Variants in STAG1 observed in about 807,000 individuals in gnomAD.
The protein encoded by STAG1 is cohesin subunit SA-1.
A neutral mutation model predicts 170.9 loss-of-function variants in STAG1; 26 were observed. The ratio of observed to expected loss-of-function variants is 0.15; its 90% CI spans 0.11 to 0.21. The LOEUF (loss-of-function observed/expected upper bound fraction) is 0.21, where lower values mean the gene tolerates loss of function less well. STAG1 is among the 10% of genes least tolerant of loss of function. The probability of loss-of-function intolerance (pLI) is 1.00; values close to 1 mark genes in which losing one functional copy is unlikely to be tolerated. For synonymous variants in STAG1, 514 were observed against 497.7 expected, an observed-to-expected ratio of 1.03 and a Z score of -0.44; for missense variants, 964 against 1,509.5, an observed-to-expected ratio of 0.64 and a Z score of 5.99.
chr3:136,653,956 C>A (rs532929864), intron 1 of STAG1, among the ~76,000 whole-genome samples: 1 of 152,116 alleles, frequency 6.6e-6, no homozygotes, highest in Admixed American at 6.5e-5. Context: ...AACAAGAACA[C>A]TAAGCAAACT....
chr3:136,736,666 C>A, intron 1 of STAG1: 1 of 1,604,824 alleles, frequency 6.2e-7, no homozygotes, highest in Non-Finnish European at 8.5e-7. Context: ...TCTTGAGCTT[C>A]AATCTCTTCT....
chr3:136,623,062 T>C (rs867204065), intron 3 of STAG1, 84 bp downstream of exon 3: 38 of 1,177,070 alleles, frequency 3.2e-5, no homozygotes, highest in Middle Eastern at 4.1e-4. Context: ...GTATTAACCA[T>C]ACTAGCACTA....
chr3:136,380,533 C>T (rs1334123311), intron 22 of STAG1, among the ~76,000 whole-genome samples: 1 of 151,990 alleles, frequency 6.6e-6, no homozygotes, highest in Non-Finnish European at 1.5e-5. Context: ...AGCCACCGTG[C>T]CCAGCCAGGG....
At chr3:136,404,301 C>A (rs529119239) in intron 21 of STAG1, among the ~76,000 whole-genome samples, 1 of 152,298 alleles carries the variant, frequency 6.6e-6, no homozygotes, top group East Asian at 1.9e-4. Flanking sequence ...TTTCTTCCAA[C>A]CCATCTTCTC....
intron 7 of STAG1, among the ~76,000 whole-genome samples, chr3:136,521,005 G>C (rs1306439978): frequency 1.3e-5 from 2 of 152,066 alleles, no homozygotes; most frequent in Admixed American, 6.6e-5. Flanking sequence ...ACAGACATTT[G>C]ATGACACTGG....
At chr3:136,588,234 C>A (rs1168415337) in intron 4 of STAG1, among the ~76,000 whole-genome samples, 1 of 152,090 alleles carries the variant, frequency 6.6e-6, no homozygotes, top group African/African-American at 2.4e-5. Flanking sequence ...AGTGGGTTAT[C>A]AGAACTTATT....
At chr3:136,341,065 T>C (rs1220152183) in intron 31 of STAG1, among the ~76,000 whole-genome samples, 1 of 152,072 alleles carries the variant, frequency 6.6e-6, no homozygotes, top group African/African-American at 2.4e-5. Context: ...CCCACCACCA[T>C]GCCCGGCTAA....
chr3:136,644,473 T>A (rs574232726), intron 1 of STAG1, among the ~76,000 whole-genome samples: 12 of 152,316 alleles, frequency 7.9e-5, no homozygotes, highest in Non-Finnish European at 1.3e-4. Context: ...TTCTCTAGTG[T>A]TTCCCACTGA....
chr3:136,355,644 T>C (rs1936624121), intron 28 of STAG1, among the ~76,000 whole-genome samples: 1 of 152,054 alleles, frequency 6.6e-6, no homozygotes, highest in African/African-American at 2.4e-5. Context: ...TTTTGTCAAC[T>C]GATACATGGA....
intron 1 of STAG1, among the ~76,000 whole-genome samples, chr3:136,675,250 G>C (rs974718938): frequency 6.6e-6 from 1 of 152,136 alleles, no homozygotes; most frequent in African/African-American, 2.4e-5. Flanking sequence ...ATTAAGATGT[G>C]AAGACTGTTT....
intron 1 of STAG1, among the ~76,000 whole-genome samples, chr3:136,729,658 C>T (rs1399345774): frequency 1.3e-5 from 2 of 150,170 alleles, no homozygotes; most frequent in African/African-American, 2.5e-5. Context: ...CTGAAACCTC[C>T]GCCTCCCAGT....
intron 1 of STAG1, among the ~76,000 whole-genome samples, chr3:136,700,569 G>A (rs1324283799): frequency 5.3e-5 from 8 of 151,630 alleles, no homozygotes; most frequent in South Asian, 2.1e-4. Context: ...ACAGGTGCCC[G>A]CTACCACGCC....
chr3:136,370,002 C>T (rs1201348589), intron 23 of STAG1, among the ~76,000 whole-genome samples: 1 of 152,022 alleles, frequency 6.6e-6, no homozygotes, highest in East Asian at 1.9e-4. Flanking sequence ...GTGTATAGAA[C>T]CTAATGCTTG....
intron 10 of STAG1, among the ~76,000 whole-genome samples, chr3:136,475,998 A>G (rs954947795): frequency 3.3e-5 from 5 of 152,230 alleles, no homozygotes; most frequent in Admixed American, 3.3e-4. Context: ...TTATGTCAAA[A>G]TAAGAGTTAT....
intron 23 of STAG1, among the ~76,000 whole-genome samples, chr3:136,374,063 T>A (rs985008924): frequency 2.6e-5 from 4 of 152,188 alleles, no homozygotes; most frequent in African/African-American, 9.7e-5. Flanking sequence ...ACTTAGCTCT[T>A]CTTGTTGAAT....
intron 14 of STAG1, among the ~76,000 whole-genome samples, chr3:136,449,610 C>T (rs2107772728): frequency 6.6e-6 from 1 of 151,300 alleles, no homozygotes; most frequent in South Asian, 2.1e-4. Flanking sequence ...CTGGCAAATA[C>T]ATTCTAATTC....
chr3:136,455,370 C>A (rs2089078590), intron 13 of STAG1, among the ~76,000 whole-genome samples: 1 of 152,196 alleles, frequency 6.6e-6, no homozygotes, highest in South Asian at 2.1e-4. Context: ...ACGGTGCCAA[C>A]TGCCCCCTCC....
At chr3:136,415,445 A>T (rs1489884630) in intron 21 of STAG1, among the ~76,000 whole-genome samples, 1 of 152,214 alleles carries the variant, frequency 6.6e-6, no homozygotes, top group Non-Finnish European at 1.5e-5. Flanking sequence ...ATATTTTGGT[A>T]GCTCTTCAGT....
At chr3:136,421,992 A>G (rs904734726) in intron 19 of STAG1, among the ~76,000 whole-genome samples, 12 of 151,874 alleles carry the variant, frequency 7.9e-5, no homozygotes, top group Non-Finnish European at 1.3e-4. Context: ...TACTAAAAAT[A>G]AAAAAACAGC....
Sources: gnomAD v4.1 joint callset for allele counts (sites outside exome capture counted in the v4.1 genomes callset) on GRCh38, gnomAD v4.1.1 for gene constraint, MANE v1.5 for transcripts, NCBI Gene and HGNC (gene_info 2026-07-23, HGNC 2026-07-21) for gene names.